The following KLHL1 variants were observed in gnomAD, a reference collection of about 807,000 sequenced individuals.
KLHL1 encodes the protein kelch like family member 1.
A neutral mutation model predicts 77.7 loss-of-function variants in KLHL1; 47 were observed. The ratio of observed to expected loss-of-function variants is 0.60; its 90% CI spans 0.48 to 0.77. The LOEUF (loss-of-function observed/expected upper bound fraction) is 0.77. Among genes scored for constraint, KLHL1 ranks in the 30% least tolerant of loss-of-function variants. The pLI is 0.00. For synonymous variants in KLHL1, 360 were observed against 325.2 expected, an observed-to-expected ratio of 1.11 and a Z score of -1.15; for missense variants, 925 against 910.8, an observed-to-expected ratio of 1.02 and a Z score of -0.20.
chr13:69,843,304 C>T (rs1879337535), intron 5 of KLHL1, among the ~76,000 whole-genome samples: 1 of 151,530 alleles, frequency 6.6e-6, no homozygotes, highest in South Asian at 2.1e-4. Flanking sequence ...GAAATGTACT[C>T]CTTTTTCATG....
chr13:70,059,965 A>G (rs1229586281), intron 1 of KLHL1, among the ~76,000 whole-genome samples: 57 of 152,150 alleles, frequency 3.7e-4, no homozygotes, highest in Admixed American at 3.7e-3. Flanking sequence ...CCCTCCTCCA[A>G]TATTGGGAAT....
chr13:70,011,589 T>C (rs917049661), intron 1 of KLHL1, among the ~76,000 whole-genome samples: 18 of 152,176 alleles, frequency 1.2e-4, no homozygotes, highest in African/African-American at 4.3e-4. Flanking sequence ...TTTCAAGTGA[T>C]AGAGTTATCC....
chr13:69,728,506 C>T (rs1251654079), intron 8 of KLHL1, among the ~76,000 whole-genome samples: 1 of 151,792 alleles, frequency 6.6e-6, no homozygotes, highest in Non-Finnish European at 1.5e-5. Flanking sequence ...CCTCCGCTTC[C>T]CAGGTTCCAG....
chr13:69,781,446 C>A (rs1420455989), intron 7 of KLHL1, among the ~76,000 whole-genome samples: 1 of 151,972 alleles, frequency 6.6e-6, no homozygotes, highest in East Asian at 1.9e-4. Context: ...AGTTGAAAAC[C>A]TTTGCCTGTC....
chr13:69,780,368 C>G (rs1266431784), intron 7 of KLHL1, among the ~76,000 whole-genome samples: 1 of 151,800 alleles, frequency 6.6e-6, no homozygotes, highest in African/African-American at 2.4e-5. Flanking sequence ...AGAGAGAATC[C>G]TTTTAAAGAA....
chr13:69,778,093 G>A (rs1288843026), intron 7 of KLHL1, among the ~76,000 whole-genome samples: 2 of 151,950 alleles, frequency 1.3e-5, no homozygotes, highest in Non-Finnish European at 2.9e-5. Context: ...CACTAAAGAA[G>A]ATAGTAAAAC....
At chr13:69,725,493 A>G (rs564965020) in intron 8 of KLHL1, among the ~76,000 whole-genome samples, 8 of 152,244 alleles carry the variant, frequency 5.3e-5, no homozygotes, top group African/African-American at 1.9e-4. Flanking sequence ...AAGATGCTGG[A>G]AAGTCTTGTC....
At chr13:70,063,692 G>C (rs923877242) in intron 1 of KLHL1, among the ~76,000 whole-genome samples, 1 of 151,850 alleles carries the variant, frequency 6.6e-6, no homozygotes, top group Non-Finnish European at 1.5e-5. Context: ...AAAAATCAGG[G>C]TAATATTGAA....
chr13:69,950,837 T>C (rs1292411489), intron 3 of KLHL1, among the ~76,000 whole-genome samples: 1 of 151,634 alleles, frequency 6.6e-6, no homozygotes, highest in Non-Finnish European at 1.5e-5. Flanking sequence ...TATTAGAGAC[T>C]TGTGCTCCTG....
At chr13:70,074,872 T>A (rs532444263) in intron 1 of KLHL1, among the ~76,000 whole-genome samples, 2 of 151,956 alleles carry the variant, frequency 1.3e-5, no homozygotes, top group Admixed American at 6.6e-5. Context: ...AGATAAAAAA[T>A]TTTAAATTCT....
chr13:69,996,300 T>A (rs1222880195), intron 1 of KLHL1, among the ~76,000 whole-genome samples: 2 of 151,542 alleles, frequency 1.3e-5, no homozygotes, highest in African/African-American at 4.9e-5. Flanking sequence ...AGACTCCGTT[T>A]AAAAAAAATA....
chr13:69,989,211 T>G (rs1884956824), intron 1 of KLHL1, among the ~76,000 whole-genome samples: 1 of 152,094 alleles, frequency 6.6e-6, no homozygotes, highest in African/African-American at 2.4e-5. Context: ...ATTTATTGAA[T>G]AGGTAATCCT....
chr13:69,838,374 T>C (rs1879111953), intron 6 of KLHL1, among the ~76,000 whole-genome samples: 1 of 151,750 alleles, frequency 6.6e-6, no homozygotes, highest in South Asian at 2.1e-4. Flanking sequence ...AAGACAGACA[T>C]AAGAAAATCT....
chr13:69,998,118 G>C (rs542789928), intron 1 of KLHL1, among the ~76,000 whole-genome samples: 6 of 152,146 alleles, frequency 3.9e-5, no homozygotes, highest in African/African-American at 1.4e-4. Context: ...CATGTAAAAT[G>C]TAAGTGTTCT....
In KLHL1 at chr13:69,833,470, A is replaced by T. The variant is rs115218829; in HGVS notation, c.1414+5506T>A. Among the ~76,000 whole-genome samples, 447 of 151,994 alleles carry T rather than the reference A, an allele frequency of 2.9e-3. 2 individuals are homozygous for T. The highest frequency in any genetic ancestry group is 0.01 in the African/African-American group (428 of 41,504). On this transcript the variant is annotated intron_variant, in intron 6 of 10. Transcript: ENST00000377844. ...TAAAAAAAAATAGATGTCGACAAGG[A>T]TGTGGTGAAAAAGGGAACACTTTTA... is the stretch of plus-strand genomic sequence containing the variant.
intron 4 of KLHL1, among the ~76,000 whole-genome samples, chr13:69,930,563 A>G (rs1593959724): frequency 6.6e-6 from 1 of 151,884 alleles, no homozygotes; most frequent in African/African-American, 2.4e-5. Flanking sequence ...ATACAAAACT[A>G]TATCAATGCA....
intron 4 of KLHL1, among the ~76,000 whole-genome samples, chr13:69,935,282 T>TAGTTCACCTACTGGTGAACTTGGTACAA: frequency 6.6e-6 from 1 of 151,948 alleles, no homozygotes; most frequent in Non-Finnish European, 1.5e-5. Context: ...ACTTGGTACA[T>TAGTTCACCTACTGGTGAACTTGGTACAA]AGCAGTCAAT....
rs58877477 is a variant in KLHL1, at chr13:70,059,157, C to CTT, written c.497+48044_497+48045dup. 6.9e-4 allele frequency among the ~76,000 whole-genome samples: 96 copies of CTT among 139,332 alleles called. 1 individual carries two copies. Among genetic ancestry groups the CTT allele is most frequent in the Admixed American group, 1.4e-3 (20 of 13,918 alleles). 91.4% of individuals were successfully genotyped at this position (139,332 alleles called of 152,430 possible). ...ACATGGGAATGGACAAATATTTCTT[C>CTT]TTTTTTTTTTTTTTTTCCTGAGATG... is the stretch of plus-strand genomic sequence containing the variant. On this transcript the variant is annotated intron_variant, in intron 1 of 10. Coordinates refer to ENST00000377844, the MANE Select transcript of KLHL1 (RefSeq NM_020866.3).
chr13:69,805,870 G>A (rs1877596261), intron 6 of KLHL1, among the ~76,000 whole-genome samples: 1 of 151,592 alleles, frequency 6.6e-6, no homozygotes, highest in South Asian at 2.1e-4. Context: ...AATTATACTG[G>A]CATTTCTTTG....
Sources: allele counts gnomAD v4.1 joint callset (sites outside exome capture counted in the v4.1 genomes callset), GRCh38; gene constraint gnomAD v4.1.1; transcripts MANE v1.5; gene names NCBI Gene and HGNC (gene_info 2026-07-23, HGNC 2026-07-21).